PMFBP1: variants seen among roughly 807,000 people sequenced by gnomAD.
The protein encoded by PMFBP1 is polyamine-modulated factor 1-binding protein 1.
PMFBP1 carries 131 observed loss-of-function variants against 137.8 expected under a neutral mutation model. The ratio of observed to expected loss-of-function variants is 0.95; its 90% CI spans 0.82 to 1.10. The LOEUF (loss-of-function observed/expected upper bound fraction) is 1.10. PMFBP1 is among the 50% of genes least tolerant of loss of function. The pLI, the probability that PMFBP1 is intolerant of heterozygous loss-of-function variation, is 0.00. For missense variants in PMFBP1, 1,199 were observed against 1,175.4 expected, an observed-to-expected ratio of 1.02 and a Z score of -0.29; for synonymous variants, 490 against 450.4, an observed-to-expected ratio of 1.09 and a Z score of -1.11.
chr16:72,202,155 G>A, the PMFBP1 span, among the ~76,000 whole-genome samples: 5 of 152,144 alleles, frequency 3.3e-5, no homozygotes, highest in African/African-American at 1.2e-4. Flanking sequence ...TGAATGAGTC[G>A]ACTTGGGACT....
chr16:72,193,833 C>G, the PMFBP1 span, among the ~76,000 whole-genome samples: 2 of 152,126 alleles, frequency 1.3e-5, no homozygotes, highest in African/African-American at 4.8e-5. Context: ...TCCAGTCCAT[C>G]AGCATGGCGC....
At chr16:72,224,551 A>G in the PMFBP1 span, 1 of 152,430 alleles carries the variant, frequency 6.6e-6, no homozygotes, top group African/African-American at 2.4e-5. Context: ...TTTCCCAAGC[A>G]CACCCTATAC....
the PMFBP1 span, among the ~76,000 whole-genome samples, chr16:72,193,420 T>A: frequency 1.3e-5 from 2 of 152,056 alleles, no homozygotes; most frequent in South Asian, 4.1e-4. Flanking sequence ...AATTTATATG[T>A]ATGAAAAAAA....
chr16:72,165,232 C>A (rs2043127932), intron 2 of PMFBP1, among the ~76,000 whole-genome samples: 1 of 152,164 alleles, frequency 6.6e-6, no homozygotes, highest in South Asian at 2.1e-4. Context: ...ACTGGACTGT[C>A]TATAAATATT....
chr16:72,120,189 CA>C lies in PMFBP1; in HGVS notation c.2769-101del, dbSNP rs773006555. 8.3e-6 allele frequency: 13 copies of C among 1,572,506 alleles called. No homozygotes were observed. In the South Asian group the frequency reaches 1.2e-4, roughly 14 times the overall value. On this transcript the variant is annotated intron_variant, in intron 19 of 20. Coordinates refer to ENST00000237353, the MANE Select transcript of PMFBP1 (RefSeq NM_031293.3). ...TAAAGGTGTCACAGGGAAGACAGCA[CA>C]GATGCCCAGGTCTGTTCAGAGCCGG...
intron 3 of PMFBP1, among the ~76,000 whole-genome samples, chr16:72,161,408 TTTC>T (rs2043060468): frequency 6.6e-6 from 1 of 152,120 alleles, no homozygotes; most frequent in Non-Finnish European, 1.5e-5. Flanking sequence ...TTATCTGTTA[TTTC>T]TTATGTCTTC....
At chr16:72,239,295 G>C in the PMFBP1 span, among the ~76,000 whole-genome samples, 1 of 152,246 alleles carries the variant, frequency 6.6e-6, no homozygotes, top group African/African-American at 2.4e-5. Flanking sequence ...CATTTGTTTT[G>C]AGACTTGAAG....
At chr16:72,214,540 AT>A in the PMFBP1 span, among the ~76,000 whole-genome samples, 1 of 152,188 alleles carries the variant, frequency 6.6e-6, no homozygotes, top group African/African-American at 2.4e-5. Flanking sequence ...GTGAGGCCAA[AT>A]TCCATTACTA....
At chr16:72,235,613 G>A in the PMFBP1 span, among the ~76,000 whole-genome samples, 6 of 151,432 alleles carry the variant, frequency 4.0e-5, no homozygotes, top group African/African-American at 1.2e-4. Flanking sequence ...TGGGAAATAC[G>A]GTCATCTTGA....
chr16:72,219,026 T>C, the PMFBP1 span, among the ~76,000 whole-genome samples: 3 of 152,198 alleles, frequency 2.0e-5, no homozygotes, highest in African/African-American at 7.2e-5. Context: ...AGTAAAAATA[T>C]CAATTTATGA....
chr16:72,165,611 G>C (rs544216174), intron 2 of PMFBP1, among the ~76,000 whole-genome samples: 4 of 151,954 alleles, frequency 2.6e-5, no homozygotes, highest in South Asian at 2.1e-4. Flanking sequence ...GTAGAGACAG[G>C]GTTTCACAGT....
chr16:72,164,513 A>C, intron 3 of PMFBP1: 1 of 1,424,976 alleles, frequency 7.0e-7, no homozygotes, highest in South Asian at 1.2e-5. Context: ...GAAAGGCCAG[A>C]TAAGGAAAAC....
At chr16:72,130,512 G>A (rs1597463454) in intron 11 of PMFBP1, 21 bp downstream of exon 11, 1 of 1,613,616 alleles carries the variant, frequency 6.2e-7, no homozygotes, top group East Asian at 2.2e-5. Flanking sequence ...TCTCTCTGGA[G>A]GGGAGCCTGA....
chr16:72,179,953 T>G (rs2043270734), upstream of PMFBP1, among the ~76,000 whole-genome samples: 1 of 152,106 alleles, frequency 6.6e-6, no homozygotes, highest in Non-Finnish European at 1.5e-5. Flanking sequence ...ATCTCCTACT[T>G]GGTGTGTTCG....
the PMFBP1 span, among the ~76,000 whole-genome samples, chr16:72,228,825 CT>C: frequency 6.8e-6 from 1 of 146,560 alleles, no homozygotes; most frequent in East Asian, 2.0e-4. Flanking sequence ...CTTGTATACT[CT>C]TTATATATTA....
At chr16:72,234,301 A>C in the PMFBP1 span, among the ~76,000 whole-genome samples, 1 of 152,210 alleles carries the variant, frequency 6.6e-6, no homozygotes, top group African/African-American at 2.4e-5. Flanking sequence ...GACAGTGCAC[A>C]AACTATCTGG....
At chr16:72,161,779 A>G (rs1303711761) in intron 3 of PMFBP1, among the ~76,000 whole-genome samples, 1 of 152,130 alleles carries the variant, frequency 6.6e-6, no homozygotes, top group Non-Finnish European at 1.5e-5. Flanking sequence ...TTCTGTTCCA[A>G]TATCCAATCC....
intron 17 of PMFBP1, among the ~76,000 whole-genome samples, chr16:72,124,508 CA>C (rs1216005961): frequency 6.6e-6 from 1 of 152,208 alleles, no homozygotes; most frequent in African/African-American, 2.4e-5. Context: ...TGGACTAGGT[CA>C]GGGGTAGCTG....
the PMFBP1 span, among the ~76,000 whole-genome samples, chr16:72,248,008 C>T: frequency 6.6e-6 from 1 of 152,128 alleles, no homozygotes; most frequent in East Asian, 1.9e-4. Flanking sequence ...ACATCTGCCT[C>T]GGTCTGCCAA....
Sources: gnomAD v4.1 joint callset for allele counts (sites outside exome capture counted in the v4.1 genomes callset) on GRCh38, gnomAD v4.1.1 for gene constraint, MANE v1.5 for transcripts, NCBI Gene and HGNC (gene_info 2026-07-23, HGNC 2026-07-21) for gene names.